Variants in ZNF793 observed in about 807,000 individuals in gnomAD.
ZNF793 encodes the protein zinc finger protein 793.
A neutral mutation model predicts 12.4 loss-of-function variants in ZNF793; 5 were observed. The observed-to-expected ratio is 0.40, with a 90% CI of 0.21 to 0.84. ZNF793 has a LOEUF of 0.84. Among genes scored for constraint, ZNF793 ranks in the 40% least tolerant of loss-of-function variants. The pLI is 0.35. For synonymous variants in ZNF793, 162 were observed against 172.4 expected (o/e 0.94, Z 0.47); for missense variants, 456 against 495.0 (o/e 0.92, Z 0.75).
At chr19:37,517,390 A>T (rs924552478) in intron 2 of ZNF793, among the ~76,000 whole-genome samples, 7 of 150,250 alleles carry the variant, frequency 4.7e-5, no homozygotes, top group African/African-American at 1.7e-4. Context: ...CAGGAGGTAG[A>T]GGCTGCAGTG....
Position 37,539,465 on chromosome 19 carries a change from C to G in ZNF793, c.*1586C>G, listed in dbSNP as rs773957622. 2 of 152,160 alleles carry G rather than the reference C, an allele frequency of 1.3e-5. No individual in the cohort carries two copies. Among genetic ancestry groups the G allele is most frequent in the Non-Finnish European group, 2.9e-5 (2 of 68,032 alleles). The allele number at this position is 152,160 out of a possible 1,614,324, so 9.4% of individuals were successfully genotyped here. On this transcript the variant is annotated 3_prime_UTR_variant, in exon 8 of 8. Transcript: ENST00000627814. ...AATTTCCTTGCAAGTGTCCTAGACA[C>G]TAAATCCCAAGGTTTTAATTATTTC...
At chr19:37,513,840 C>A (rs553898088) in intron 2 of ZNF793, among the ~76,000 whole-genome samples, 1 of 152,128 alleles carries the variant, frequency 6.6e-6, no homozygotes, top group Admixed American at 6.6e-5. Context: ...GTGCCTTCAA[C>A]TGAGTTATAC....
chr19:37,522,772 A>G (rs1419055114), intron 4 of ZNF793, 125 bp downstream of exon 4: 2 of 152,328 alleles, frequency 1.3e-5, no homozygotes, highest in South Asian at 2.1e-4. Context: ...ACAGTGCATT[A>G]TATCAGGAGG....
In ZNF793 at chr19:37,537,081, T is replaced by C; in HGVS notation, c.423T>C (p.Pro141=). ...TCCAGAGCCCTAGTAACTGGAACCC[T>C]TGTGGAAAGAATTTGAACCATAATT... ...SSIQSPSNWN[P]CGKNLNHNLD... is the part of the protein sequence containing the mutation. The change falls in exon 8 of 8, where the codon CCT becomes CCC. Residue 141 remains proline, a synonymous_variant. Transcript: ENST00000627814. 2 of 1,613,684 alleles carry C rather than the reference T, an allele frequency of 1.2e-6. No individual in the cohort carries two copies. The highest frequency in any genetic ancestry group is 2.2e-5 in the South Asian group (2 of 91,026).
At chr19:37,523,308 A>G (rs932029549) in intron 4 of ZNF793, 102 bp from the exon 5 acceptor site, 10 of 910,486 alleles carry the variant, frequency 1.1e-5, no homozygotes, top group Middle Eastern at 2.2e-4. Flanking sequence ...TTTTTGTACA[A>G]TATTTACAAA....
intron 2 of ZNF793, among the ~76,000 whole-genome samples, chr19:37,514,183 A>C (rs1014464139): frequency 6.6e-6 from 1 of 152,330 alleles, no homozygotes; most frequent in East Asian, 1.9e-4. Context: ...TTCAGAATAC[A>C]TATGTAAAAC....
chr19:37,508,566 C>T lies in ZNF793; in HGVS notation c.-276+163C>T, dbSNP rs556609789. Among the ~76,000 whole-genome samples, 466 of 152,032 alleles carry T rather than the reference C, an allele frequency of 3.1e-3. 1 individual carries two copies. The highest frequency in any genetic ancestry group is 0.011 in the African/African-American group (437 of 41,474). ...ACTAAAAACACAAAAATTAGCCGGG[C>T]GTGGTGGCGGGCGCCTGAGGTCCCA... is the stretch of plus-strand genomic sequence containing the variant. On this transcript the variant is annotated intron_variant, in intron 2 of 7. Transcript: ENST00000627814.
chr19:37,542,607 T>A lies in ZNF793; in HGVS notation c.*4728T>A. 3.9e-6 allele frequency: 1 copy of A among 258,424 alleles called. No homozygotes were observed. The highest frequency in any genetic ancestry group is 8.0e-6 in the Non-Finnish European group (1 of 125,752). 16.0% of individuals were successfully genotyped at this position (258,424 alleles called of 1,614,324 possible). On this transcript the variant is annotated 3_prime_UTR_variant, in exon 8 of 8. Transcript: ENST00000627814. The stretch of plus-strand genomic sequence containing the variant: ...TAAATACCCATCAACTGGGAAATTG[T>A]AGAAAGGAAAAAACTATAGTGTATC...
chr19:37,536,806 T>C lies in ZNF793; in HGVS notation c.239-91T>C, dbSNP rs368167835. 1.7e-5 allele frequency: 24 copies of C among 1,384,322 alleles called. No homozygotes were observed. The African/African-American group carries it at 3.0e-4, about 17-fold the overall frequency. 85.8% of individuals were successfully genotyped at this position (1,384,322 alleles called of 1,614,324 possible). A position where few individuals can be genotyped will look rare whatever the true frequency, so the allele number is the denominator to read the frequency against. On this transcript the variant is annotated intron_variant, in intron 7 of 7. Transcript: ENST00000627814. ...GTGCTTTGGGTTATGGTTCATGTTC[T>C]CTATTTGTGTGCTGTGCACTCTTTA...
intron 5 of ZNF793, among the ~76,000 whole-genome samples, chr19:37,523,734 T>G (rs1600412883): frequency 1.3e-5 from 2 of 152,158 alleles, no homozygotes; most frequent in South Asian, 4.1e-4. Context: ...AGCATTGTTG[T>G]GAATGGAGGC....
In ZNF793 at chr19:37,540,808, C is replaced by T. The variant is rs1382757017; in HGVS notation, c.*2929C>T. Reference sequence around the variant, plus strand: ...GGTACCAAAATCAAGAGCTGTTCTCCATACTGACAAGAAAACATAATTTAT... The same window carrying T: ...GGTACCAAAATCAAGAGCTGTTCTCTATACTGACAAGAAAACATAATTTAT... On this transcript the variant is annotated 3_prime_UTR_variant, in exon 8 of 8. Transcript: ENST00000627814. The T allele has an allele frequency of 2.0e-5, 3 of 151,828 alleles. No individual in the cohort carries two copies. In the East Asian group the frequency reaches 5.8e-4, roughly 29 times the overall value. 9.4% of individuals were successfully genotyped at this position (151,828 alleles called of 1,614,324 possible).
At chr19:37,528,307 T>C (rs1489580672) in intron 5 of ZNF793, among the ~76,000 whole-genome samples, 1 of 152,042 alleles carries the variant, frequency 6.6e-6, no homozygotes, top group Non-Finnish European at 1.5e-5. Context: ...ACCAGGAAAG[T>C]GCACCTAGGC....
chr19:37,514,331 A>G (rs114212121), intron 2 of ZNF793, among the ~76,000 whole-genome samples: 79 of 152,322 alleles, frequency 5.2e-4, no homozygotes, highest in African/African-American at 1.8e-3. Context: ...GTGACTTCCA[A>G]GTAACACACT....
chr19:37,521,435 T>TC (rs2042375359), intron 3 of ZNF793, among the ~76,000 whole-genome samples: 1 of 144,092 alleles, frequency 6.9e-6, no homozygotes, highest in African/African-American at 2.6e-5. Flanking sequence ...TTCTCTTTTT[T>TC]TTTTTTTTTT....
Position 37,537,672 on chromosome 19 carries a change from G to A in ZNF793, c.1014G>A (p.Pro338=), listed in dbSNP as rs1242105973. ...GAAAAATGCACACAGGAGAAAGACC[G>A]TATCGTTGCAGAGAATGTGGAAAAT... is the stretch of plus-strand genomic sequence containing the variant. ...VHRKMHTGER[P]YRCRECGKSF... is the part of the protein sequence containing the mutation. Residue 338 remains proline (P), a synonymous_variant, in exon 8 of 8, where the codon CCG becomes CCA. Transcript: ENST00000627814. 4.7e-5 allele frequency: 76 copies of A among 1,613,554 alleles called. No homozygotes were observed. The highest frequency in any genetic ancestry group is 1.3e-4 in the East Asian group (6 of 44,834).
At position 37,536,959 on chromosome 19, in the gene ZNF793, G is replaced by T. The variant is rs759729464; in HGVS notation, c.301G>T (p.Ala101Ser). 6.2e-7 allele frequency: 1 copy of T among 1,613,582 alleles called. No homozygotes were observed. The highest frequency in any genetic ancestry group is 1.3e-5 in the African/African-American group (1 of 74,902). Reference protein sequence around the residue: ...RRQDMLLRPGAAISKKTLPKE... With the variant: ...RRQDMLLRPGSAISKKTLPKE... ...GCAAGACATGCTTTTGAGGCCAGGCGCAGCCATAAGCAAGAAAACATTGCC... is the reference window on the plus strand; with the variant it reads ...GCAAGACATGCTTTTGAGGCCAGGCTCAGCCATAAGCAAGAAAACATTGCC... The change falls in exon 8 of 8, where the codon GCA (alanine) becomes TCA (serine). Residue 101 changes from alanine (A) to serine (S), a missense_variant. Coordinates refer to ENST00000627814, the MANE Select transcript of ZNF793 (RefSeq NM_001013659.3).
chr19:37,538,133 T>A lies in ZNF793; in HGVS notation c.*254T>A, dbSNP rs578176487. 1.0e-3 allele frequency: 371 copies of A among 360,296 alleles called. No homozygotes were observed. Among genetic ancestry groups the A allele is most frequent in the African/African-American group, 7.5e-3 (358 of 47,952 alleles). 22.3% of individuals were successfully genotyped at this position (360,296 alleles called of 1,614,324 possible). On this transcript the variant is annotated 3_prime_UTR_variant, in exon 8 of 8. Coordinates refer to ENST00000627814, the MANE Select transcript of ZNF793 (RefSeq NM_001013659.3). ...GGTTTCACCGTGTTAGCCAGGATGGTCTCGATCTCCTGACCTTGTGATCTG... is the reference window on the plus strand; with the variant it reads ...GGTTTCACCGTGTTAGCCAGGATGGACTCGATCTCCTGACCTTGTGATCTG...
At chr19:37,525,259 C>T (rs967892800) in intron 5 of ZNF793, among the ~76,000 whole-genome samples, 2 of 151,892 alleles carry the variant, frequency 1.3e-5, no homozygotes, top group Non-Finnish European at 2.9e-5. Flanking sequence ...CTGCCTCAGC[C>T]TCCTGAGTAG....
chr19:37,519,951 C>T (rs563563922), intron 2 of ZNF793, among the ~76,000 whole-genome samples: 1 of 152,320 alleles, frequency 6.6e-6, no homozygotes, highest in Admixed American at 6.5e-5. Context: ...CAGATTCTCT[C>T]AGTCAGTCAG....
Sources: gnomAD v4.1 joint callset for allele counts (sites outside exome capture counted in the v4.1 genomes callset) on GRCh38, gnomAD v4.1.1 for gene constraint, MANE v1.5 for transcripts, NCBI Gene and HGNC (gene_info 2026-07-23, HGNC 2026-07-21) for gene names.